AKT1S1: variants seen among roughly 807,000 people sequenced by gnomAD.
AKT1S1 encodes AKT1 substrate 1.
A neutral mutation model predicts 21.2 loss-of-function variants in AKT1S1; 17 were observed. That is an observed-to-expected ratio of 0.80 (90% CI 0.55 to 1.20). AKT1S1 has a LOEUF of 1.20. AKT1S1 is among the 50% of genes most tolerant of loss of function. AKT1S1 has a pLI of 0.00. For missense variants in AKT1S1, 366 were observed against 368.3 expected (o/e 0.99, Z 0.05); for synonymous variants, 181 against 165.6 (o/e 1.09, Z -0.72).
chr19:49,870,700 C>T (rs149998420), intron 4 of AKT1S1, among the ~76,000 whole-genome samples: 46 of 152,318 alleles, frequency 3.0e-4, no homozygotes, highest in Admixed American at 5.9e-4. Flanking sequence ...AGACCCAGAT[C>T]AGGAACTGGA....
Position 49,869,731 on chromosome 19 carries a change from C to T in AKT1S1, c.*186G>A. The T allele has an allele frequency of 1.6e-6, 1 of 613,804 alleles. No homozygotes were observed. The highest frequency in any genetic ancestry group is 2.6e-6 in the Non-Finnish European group (1 of 392,140). 38.0% of individuals were successfully genotyped at this position (613,804 alleles called of 1,614,324 possible). A position where few individuals can be genotyped will look rare whatever the true frequency, so the allele number is the denominator to read the frequency against. On this transcript the variant is annotated 3_prime_UTR_variant, in exon 5 of 5. Coordinates refer to ENST00000344175, the MANE Select transcript of AKT1S1 (RefSeq NM_001098633.4). ...CAATCGGGAAACGGGACAGATGCCG[C>T]TCCTCGGCGCGGCAGGTCGTGGGCT...
intron 4 of AKT1S1, among the ~76,000 whole-genome samples, chr19:49,870,533 C>T (rs2074872748): frequency 6.6e-6 from 1 of 152,192 alleles, no homozygotes; most frequent in Non-Finnish European, 1.5e-5. Flanking sequence ...AGATAATCAG[C>T]TGTTACTGCC....
At chr19:49,875,003 G>A (rs1424245368) in intron 1 of AKT1S1, 1 of 152,292 alleles carries the variant, frequency 6.6e-6, no homozygotes, top group Non-Finnish European at 1.5e-5. Context: ...CCCAAGGGAA[G>A]GAAGAGGTTT....
intron 2 of AKT1S1, 119 bp from the exon 3 acceptor site, chr19:49,872,008 A>G: frequency 1.8e-6 from 2 of 1,102,276 alleles, no homozygotes. Flanking sequence ...GAAGCTTCTG[A>G]GACCCATTTC....
rs770520644 is a variant in AKT1S1, at chr19:49,873,114, C to T, written c.182G>A (p.Cys61Tyr). 6.5e-7 allele frequency: 1 copy of T among 1,543,858 alleles called. No individual in the cohort carries two copies. The highest frequency in any genetic ancestry group is 1.4e-5 in the African/African-American group (1 of 73,358). ...RGALAEAARR[C>Y]LHDIALAHRA... ...GTGGGCCAGTGCGATGTCGTGGAGG[C>T]AACGGCGCGCTGCCTCCGCCAGGGC... The change falls in exon 2 of 5, where the codon TGC becomes TAC. Residue 61 changes from cysteine (C) to tyrosine (Y), a missense_variant. Transcript: ENST00000344175. The surrounding 1 kb of genome is among the most constrained non-coding windows in gnomAD (Gnocchi z 6.9).
At chr19:49,877,627 C>T, upstream of AKT1S1, 1 of 1,401,634 alleles carries the variant, frequency 7.1e-7, no homozygotes, top group Non-Finnish European at 9.8e-7. Context: ...GGGCCGCTAC[C>T]ACTGTCCGGC....
At chr19:49,876,770 C>G (rs1214757740) in intron 1 of AKT1S1, 1 of 1,259,970 alleles carries the variant, frequency 7.9e-7, no homozygotes, top group Non-Finnish European at 1.0e-6. Context: ...TCATCCGAAC[C>G]AGTTGACAAG....
upstream of AKT1S1, chr19:49,878,004 C>G: frequency 1.3e-6 from 1 of 794,644 alleles, no homozygotes. Context: ...CTGGACCATT[C>G]TCCCCGCCTT....
At chr19:49,877,997 G>C, upstream of AKT1S1, 1 of 777,730 alleles carries the variant, frequency 1.3e-6, no homozygotes, top group Non-Finnish European at 2.0e-6. Context: ...ACGCGGGCTG[G>C]ACCATTCTCC....
intron 1 of AKT1S1, chr19:49,876,574 C>G (rs1209913661): frequency 6.7e-7 from 1 of 1,495,916 alleles, no homozygotes; most frequent in Non-Finnish European, 8.9e-7. Context: ...CCTCCCCACA[C>G]CGCGGTTAAC....
chr19:49,870,230 A>G (rs1020534366), intron 4 of AKT1S1, among the ~76,000 whole-genome samples, 170 bp from the exon 5 acceptor site: 3 of 152,106 alleles, frequency 2.0e-5, no homozygotes, highest in African/African-American at 7.2e-5. Flanking sequence ...GTCTTGCTCC[A>G]CGTAGGAACC....
upstream of AKT1S1, chr19:49,877,420 G>T: frequency 2.2e-6 from 1 of 445,146 alleles, no homozygotes; most frequent in African/African-American, 2.0e-5. Context: ...AGGCGTGCTT[G>T]CCCCAGGTGG....
At chr19:49,872,889 G>C in intron 2 of AKT1S1, 28 bp downstream of exon 2, 1 of 1,578,372 alleles carries the variant, frequency 6.3e-7, no homozygotes, top group Non-Finnish European at 8.6e-7. Context: ...GCGCTGGGCC[G>C]CACCCGCCCC....
In AKT1S1 at chr19:49,869,348, G is replaced by A. The variant is rs2074853776; in HGVS notation, c.*569C>T. 6.5e-6 allele frequency: 1 copy of A among 152,808 alleles called. No homozygotes were observed. The allele number at this position is 152,808 out of a possible 1,614,324, so 9.5% of individuals were successfully genotyped here. On this transcript the variant is annotated 3_prime_UTR_variant, in exon 5 of 5. Transcript: ENST00000344175. ...GAGGGGGTCAGGGAACAAGTTGTCG[G>A]GACGTGGGCAAAGACGACCCCAGTC...
intron 1 of AKT1S1, chr19:49,876,717 C>T: frequency 7.1e-7 from 1 of 1,406,848 alleles, no homozygotes. Flanking sequence ...CTCCGCCTCC[C>T]TTATCGGGGC....
intron 1 of AKT1S1, chr19:49,876,765 C>A: frequency 7.8e-7 from 1 of 1,284,560 alleles, no homozygotes; most frequent in South Asian, 1.7e-5. Context: ...GGGCTTCATC[C>A]GAACCAGTTG....
chr19:49,874,681 C>A (rs564791440), intron 1 of AKT1S1: 1 of 152,284 alleles, frequency 6.6e-6, no homozygotes, highest in Admixed American at 6.5e-5. Context: ...TGCTGTGTGA[C>A]CTTAGATGGC....
intron 1 of AKT1S1, chr19:49,875,888 A>G: frequency 4.1e-6 from 4 of 985,414 alleles, no homozygotes; most frequent in Non-Finnish European, 4.8e-6. Context: ...CAGCTTCTAG[A>G]GGAGGTCCTG....
At chr19:49,872,557 G>T (rs1316097278) in intron 2 of AKT1S1, among the ~76,000 whole-genome samples, 6 of 152,072 alleles carry the variant, frequency 3.9e-5, no homozygotes, top group Non-Finnish European at 7.4e-5. Flanking sequence ...GGCCTCCCAG[G>T]CGTTGTGGAA....
Sources: gnomAD v4.1 joint callset for allele counts (sites outside exome capture counted in the v4.1 genomes callset) on GRCh38, gnomAD v4.1.1 for gene constraint, Gnocchi (gnomAD v3.1) non-coding constraint, MANE v1.5 for transcripts, NCBI Gene and HGNC (gene_info 2026-07-23, HGNC 2026-07-21) for gene names.